The following ILDR2 variants were observed in gnomAD, a reference collection of about 807,000 sequenced individuals.
The protein encoded by ILDR2 is immunoglobulin-like domain-containing receptor 2.
ILDR2 carries 25 observed loss-of-function variants against 66.8 expected under a neutral mutation model. That is an observed-to-expected ratio of 0.37 (90% CI 0.27 to 0.52). The LOEUF (loss-of-function observed/expected upper bound fraction) is 0.52. Ranked by LOEUF, ILDR2 falls within the 20% of genes least tolerant of loss-of-function variation. The pLI, the probability that ILDR2 is intolerant of heterozygous loss-of-function variation, is 0.88. For synonymous variants in ILDR2, 367 were observed against 357.2 expected (o/e 1.03, Z -0.31); for missense variants, 827 against 876.8 (o/e 0.94, Z 0.72).
intron 1 of ILDR2, among the ~76,000 whole-genome samples, chr1:166,960,502 A>G (rs2101992156): frequency 6.6e-6 from 1 of 152,304 alleles, no homozygotes; most frequent in Non-Finnish European, 1.5e-5. Flanking sequence ...CATAATGCTT[A>G]CTCTCAGAGT....
At chr1:166,944,018 G>T (rs905585355) in intron 3 of ILDR2, 2 of 173,500 alleles carry the variant, frequency 1.2e-5, no homozygotes, top group African/African-American at 4.8e-5. Context: ...TAGACCAAAC[G>T]AATCAGGCAT....
chr1:166,947,645 C>G (rs1261364226), intron 3 of ILDR2, among the ~76,000 whole-genome samples: 1 of 152,166 alleles, frequency 6.6e-6, no homozygotes, highest in African/African-American at 2.4e-5. Flanking sequence ...CACCCACTCT[C>G]GCGCCTGCCC....
At chr1:166,934,548 C>T (rs1281561254) in intron 6 of ILDR2, among the ~76,000 whole-genome samples, 1 of 152,210 alleles carries the variant, frequency 6.6e-6, no homozygotes, top group Non-Finnish European at 1.5e-5. Context: ...CACCTCTGCC[C>T]TCAGGAGCCT....
chr1:166,909,770 A>ATATATAT lies in ILDR2; in HGVS notation c.*9584_*9585insATATATA, dbSNP rs1659430024. 16 of 66,184 alleles carry ATATATAT rather than the reference A, an allele frequency of 2.4e-4. No homozygotes were observed. Among genetic ancestry groups the ATATATAT allele is most frequent in the Non-Finnish European group, 3.1e-4 (12 of 38,156 alleles). The allele number at this position is 66,184 out of a possible 1,614,324, so 4.1% of individuals were successfully genotyped here. A position where few individuals can be genotyped will look rare whatever the true frequency, so the allele number is the denominator to read the frequency against. ...ATATATATATATATAAATATATATA[A>ATATATAT]ATATATATATTTATATATATATATA... On this transcript the variant is annotated 3_prime_UTR_variant, in exon 10 of 10. Coordinates refer to ENST00000271417, the MANE Select transcript of ILDR2 (RefSeq NM_199351.3).
chr1:166,929,180 G>T (rs959206467), intron 6 of ILDR2, among the ~76,000 whole-genome samples: 1 of 152,190 alleles, frequency 6.6e-6, no homozygotes, highest in Non-Finnish European at 1.5e-5. Flanking sequence ...TCTATAAAAT[G>T]CAATGAATAC....
chr1:166,944,804 T>C (rs1454177083), intron 3 of ILDR2, among the ~76,000 whole-genome samples: 1 of 152,138 alleles, frequency 6.6e-6, no homozygotes, highest in Non-Finnish European at 1.5e-5. Context: ...TCCTCCTCCA[T>C]GCTCCCTAGG....
downstream of ILDR2, among the ~76,000 whole-genome samples, chr1:166,906,312 C>T (rs547841635): frequency 2.0e-5 from 3 of 152,324 alleles, no homozygotes; most frequent in Non-Finnish European, 4.4e-5. Context: ...ATGCATTGAA[C>T]ATGGTGACAG....
downstream of ILDR2, among the ~76,000 whole-genome samples, chr1:166,907,477 C>A (rs1178428168): frequency 6.6e-6 from 1 of 152,176 alleles, no homozygotes; most frequent in Non-Finnish European, 1.5e-5. Flanking sequence ...CTTCATGGAG[C>A]GTGCTGTAGG....
Position 166,921,112 on chromosome 1 carries a change from G to T in ILDR2, c.1479C>A (p.Arg493=). 3 of 1,517,126 alleles carry T rather than the reference G, an allele frequency of 2.0e-6. No homozygotes were observed. The highest frequency in any genetic ancestry group is 1.2e-5 in the South Asian group (1 of 81,756). 94.0% of individuals were successfully genotyped at this position (1,517,126 alleles called of 1,614,324 possible). A position where few individuals can be genotyped will look rare whatever the true frequency, so the allele number is the denominator to read the frequency against. ...RSREPLTDAD[R]GWAFSPARRR... is the part of the protein sequence containing the mutation. Reference sequence around the variant, plus strand: ...GGCGCGCGGGGCTGAAGGCCCAGCCGCGGTCAGCATCGGTCAGGGGCTCGC... The same window carrying T: ...GGCGCGCGGGGCTGAAGGCCCAGCCTCGGTCAGCATCGGTCAGGGGCTCGC... The change falls in exon 9 of 10, where the codon CGC becomes CGA. Residue 493 remains arginine (R), a synonymous_variant. Transcript: ENST00000271417. This position sits in a 1 kb window ranked among gnomAD's most constrained non-coding sequence, Gnocchi z 5.3.
At chr1:166,932,450 A>C (rs1660692553) in intron 6 of ILDR2, among the ~76,000 whole-genome samples, 1 of 152,238 alleles carries the variant, frequency 6.6e-6, no homozygotes, top group Non-Finnish European at 1.5e-5. Context: ...GTTGTATTTT[A>C]ATGGGAGAGA....
chr1:166,921,264 G>A lies in ILDR2; in HGVS notation c.1327C>T (p.Arg443Trp), dbSNP rs1309834574. 1.3e-6 allele frequency: 2 copies of A among 1,598,834 alleles called. No homozygotes were observed. The highest frequency in any genetic ancestry group is 1.7e-6 in the Non-Finnish European group (2 of 1,175,334). The change falls in exon 9 of 10, where the codon CGG becomes TGG. Residue 443 changes from arginine (R) to tryptophan (W), a missense_variant. This residue lies in a region of ILDR2 where 390 missense variants were observed against 353.6 expected (regional missense o/e 1.10). Coordinates refer to ENST00000271417, the MANE Select transcript of ILDR2 (RefSeq NM_199351.3). This position sits in a 1 kb window ranked among gnomAD's most constrained non-coding sequence, Gnocchi z 5.3. Reference sequence around the variant, plus strand: ...GCCTCGTGACTGTTGCCGTCTGCCCGGCGGGGCCGCTGGCCGTAGGAGTCA... The same window carrying A: ...GCCTCGTGACTGTTGCCGTCTGCCCAGCGGGGCCGCTGGCCGTAGGAGTCA... ...FADSYGQRPR[R>W]ADGNSHEARG...
intron 7 of ILDR2, 149 bp from the exon 8 acceptor site, chr1:166,922,958 G>GT: frequency 1.5e-6 from 1 of 663,346 alleles, no homozygotes; most frequent in Non-Finnish European, 2.6e-6. Flanking sequence ...AACTAGTGGT[G>GT]TTTGTATTCT....
intron 6 of ILDR2, 128 bp downstream of exon 6, chr1:166,935,173 A>G: frequency 1.1e-6 from 1 of 922,300 alleles, no homozygotes. Context: ...AGCTGGAAGG[A>G]TCCCATTTCT....
At position 166,915,277 on chromosome 1, in the gene ILDR2, C is replaced by T. The variant is rs1291676596; in HGVS notation, c.*4078G>A. 2 of 152,188 alleles carry T rather than the reference C, an allele frequency of 1.3e-5. No individual in the cohort carries two copies. Among genetic ancestry groups the T allele is most frequent in the Admixed American group, 6.5e-5 (1 of 15,274 alleles). The allele number at this position is 152,188 out of a possible 1,614,324, so 9.4% of individuals were successfully genotyped here. ...TCTGAGTGACTCACCACAGCCAGCCCCAAAGGATTGAGAGGGACCTCACCA... is the reference window on the plus strand; with the variant it reads ...TCTGAGTGACTCACCACAGCCAGCCTCAAAGGATTGAGAGGGACCTCACCA... On this transcript the variant is annotated 3_prime_UTR_variant, in exon 10 of 10. Coordinates refer to ENST00000271417, the MANE Select transcript of ILDR2 (RefSeq NM_199351.3).
intron 2 of ILDR2, chr1:166,896,194 A>G (rs1318037570): frequency 6.6e-6 from 1 of 152,452 alleles, no homozygotes; most frequent in Non-Finnish European, 1.5e-5. Flanking sequence ...TCTGTTACTG[A>G]GAGAAGGAAC....
intron 7 of ILDR2, among the ~76,000 whole-genome samples, chr1:166,924,047 C>G (rs1055486534): frequency 6.6e-6 from 1 of 152,028 alleles, no homozygotes; most frequent in South Asian, 2.1e-4. Context: ...GGGATTTTTG[C>G]ACAAAGATGA....
chr1:166,940,906 T>C (rs1262791053), intron 3 of ILDR2, among the ~76,000 whole-genome samples: 1 of 152,212 alleles, frequency 6.6e-6, no homozygotes, highest in African/African-American at 2.4e-5. Context: ...GGTTGGTCAC[T>C]TGTCCCTTCC....
intron 2 of ILDR2, 139 bp from the exon 3 acceptor site, chr1:166,956,991 G>T: frequency 1.2e-6 from 1 of 820,864 alleles, no homozygotes; most frequent in Non-Finnish European, 1.8e-6. Flanking sequence ...GTGGTTGAAA[G>T]ATGTGTGCTT....
downstream of ILDR2, among the ~76,000 whole-genome samples, chr1:166,904,103 A>G (rs915434578): frequency 6.6e-6 from 1 of 152,248 alleles, no homozygotes; most frequent in Non-Finnish European, 1.5e-5. Flanking sequence ...CTGTAAGCTC[A>G]GTGCCAAACC....
Sources: allele counts gnomAD v4.1 joint callset (sites outside exome capture counted in the v4.1 genomes callset), GRCh38; gene constraint gnomAD v4.1.1; regional missense constraint gnomAD v4.1.1; non-coding constraint Gnocchi (gnomAD v3.1); transcripts MANE v1.5; gene names NCBI Gene and HGNC (gene_info 2026-07-23, HGNC 2026-07-21).